PID1: variants seen among roughly 807,000 people sequenced by gnomAD.
The protein encoded by PID1 is PTB-containing, cubilin and LRP1-interacting protein.
PID1 carries 10 observed loss-of-function variants against 19.1 expected under a neutral mutation model. The ratio of observed to expected loss-of-function variants is 0.52; its 90% CI spans 0.32 to 0.89. The LOEUF is 0.89. Ranked by LOEUF, PID1 falls within the 40% of genes least tolerant of loss-of-function variation. The probability of loss-of-function intolerance (pLI) is 0.03; values close to 1 mark genes in which losing one functional copy is unlikely to be tolerated. For synonymous variants in PID1, 130 were observed against 116.0 expected (o/e 1.12, Z -0.78); for missense variants, 248 against 285.3 (o/e 0.87, Z 0.94).
chr2:229,152,486 T>G lies in PID1; in HGVS notation c.177+3332A>C, dbSNP rs532565023. Among the ~76,000 whole-genome samples the G allele has an allele frequency of 6.6e-5, 10 of 152,266 alleles. No individual in the cohort carries two copies. In the South Asian group the frequency reaches 2.1e-3, roughly 32 times the overall value. On this transcript the variant is annotated intron_variant, in intron 2 of 2. Coordinates refer to ENST00000392055, the MANE Select transcript of PID1 (RefSeq NM_001100818.2). ...CAATGACTACTAATTCAATAAATGT[T>G]TGCTAACAAGCTGAAGCCACCTAGG... is the stretch of plus-strand genomic sequence containing the variant.
intron 2 of PID1, among the ~76,000 whole-genome samples, chr2:229,145,778 A>G (rs1284844364): frequency 1.3e-5 from 2 of 152,126 alleles, no homozygotes; most frequent in African/African-American, 4.8e-5. Flanking sequence ...CAAACTACTA[A>G]TGTGAATATT....
At chr2:229,142,490 G>T (rs1233718283) in intron 2 of PID1, among the ~76,000 whole-genome samples, 1 of 152,158 alleles carries the variant, frequency 6.6e-6, no homozygotes, top group East Asian at 1.9e-4. Flanking sequence ...CATATCAGGG[G>T]TTTCAACCAA....
intron 2 of PID1, among the ~76,000 whole-genome samples, chr2:229,081,496 C>A (rs1263738296): frequency 6.6e-6 from 1 of 152,148 alleles, no homozygotes; most frequent in African/African-American, 2.4e-5. Flanking sequence ...ATGCTTCAAG[C>A]TGATTTAGCA....
intron 2 of PID1, among the ~76,000 whole-genome samples, chr2:229,048,564 C>T (rs997929230): frequency 6.6e-6 from 1 of 152,136 alleles, no homozygotes; most frequent in African/African-American, 2.4e-5. Context: ...CTTAAAACTC[C>T]ACTCAGGGGC....
At chr2:229,092,988 G>GT (rs1425687855) in intron 2 of PID1, among the ~76,000 whole-genome samples, 1 of 152,074 alleles carries the variant, frequency 6.6e-6, no homozygotes, top group African/African-American at 2.4e-5. Flanking sequence ...CTCTATCAAG[G>GT]TTAAGAACAA....
At chr2:229,078,140 C>A (rs780521667) in intron 2 of PID1, among the ~76,000 whole-genome samples, 2 of 152,062 alleles carry the variant, frequency 1.3e-5, no homozygotes, top group African/African-American at 2.4e-5. Flanking sequence ...TGTATTCCTA[C>A]GTATTTTGTT....
intron 2 of PID1, among the ~76,000 whole-genome samples, chr2:229,044,212 C>G (rs900169479): frequency 6.6e-6 from 1 of 152,000 alleles, no homozygotes; most frequent in African/African-American, 2.4e-5. Flanking sequence ...GCTGGTGTAC[C>G]TGGGTGTTCC....
At chr2:229,188,581 T>C (rs1691183824) in intron 1 of PID1, among the ~76,000 whole-genome samples, 1 of 151,690 alleles carries the variant, frequency 6.6e-6, no homozygotes, top group South Asian at 2.1e-4. Context: ...CTACTAAAAA[T>C]ACAAAAAATT....
chr2:229,147,855 A>G (rs563258570), intron 2 of PID1, among the ~76,000 whole-genome samples: 29 of 152,306 alleles, frequency 1.9e-4, no homozygotes, highest in African/African-American at 7.0e-4. Flanking sequence ...CTGATTCTCT[A>G]TAGTAAAAGG....
At chr2:229,197,394 T>A (rs2106237112) in intron 1 of PID1, among the ~76,000 whole-genome samples, 1 of 152,168 alleles carries the variant, frequency 6.6e-6, no homozygotes, top group African/African-American at 2.4e-5. Flanking sequence ...TCCAGTGAAG[T>A]ACCACTGGGC....
intron 1 of PID1, among the ~76,000 whole-genome samples, chr2:229,221,085 C>T (rs913159391): frequency 3.3e-5 from 5 of 152,116 alleles, no homozygotes; most frequent in African/African-American, 1.2e-4. Context: ...ATCTGGTATC[C>T]CCATCCAGCT....
chr2:229,078,922 G>A (rs767358757), intron 2 of PID1, among the ~76,000 whole-genome samples: 9 of 152,104 alleles, frequency 5.9e-5, no homozygotes, highest in South Asian at 2.1e-4. Flanking sequence ...AGAGAGTGAG[G>A]AAAATGGAAA....
intron 1 of PID1, among the ~76,000 whole-genome samples, chr2:229,268,869 A>G: frequency 6.6e-6 from 1 of 152,216 alleles, no homozygotes; most frequent in East Asian, 1.9e-4. Context: ...ATTGTGACAA[A>G]GATAACCACA....
At chr2:229,097,012 A>T (rs1694983119) in intron 2 of PID1, among the ~76,000 whole-genome samples, 1 of 152,194 alleles carries the variant, frequency 6.6e-6, no homozygotes, top group Non-Finnish European at 1.5e-5. Context: ...TGTCACCCTG[A>T]GTTTGATTAA....
At chr2:229,255,294 C>G (rs1040658198) in intron 1 of PID1, among the ~76,000 whole-genome samples, 44 of 152,188 alleles carry the variant, frequency 2.9e-4, no homozygotes, top group African/African-American at 9.9e-4. Flanking sequence ...TAAAAATCAT[C>G]AGAATCCTGT....
intron 1 of PID1, among the ~76,000 whole-genome samples, chr2:229,268,430 G>A (rs1029275736): frequency 7.9e-5 from 12 of 152,196 alleles, no homozygotes; most frequent in Middle Eastern, 6.8e-3. Flanking sequence ...CAGCTTCATC[G>A]AATATGAACT....
At chr2:229,166,817 A>G (rs1013906486) in intron 1 of PID1, among the ~76,000 whole-genome samples, 17 of 152,176 alleles carry the variant, frequency 1.1e-4, no homozygotes, top group African/African-American at 4.1e-4. Context: ...AATGATGAGG[A>G]CTTGTCGGAT....
chr2:229,104,777 A>G (rs1039943291), intron 2 of PID1, among the ~76,000 whole-genome samples: 1 of 152,246 alleles, frequency 6.6e-6, no homozygotes, highest in Non-Finnish European at 1.5e-5. Flanking sequence ...AATAGGTGCA[A>G]TATTAGTGCC....
chr2:229,078,894 G>GA (rs564273537), intron 2 of PID1, among the ~76,000 whole-genome samples: 34 of 149,406 alleles, frequency 2.3e-4, no homozygotes, highest in South Asian at 4.2e-4. Context: ...CTTTGCAATG[G>GA]AAAAAAAAAT....
Sources: allele counts gnomAD v4.1 joint callset (sites outside exome capture counted in the v4.1 genomes callset), GRCh38; gene constraint gnomAD v4.1.1; transcripts MANE v1.5; gene names NCBI Gene and HGNC (gene_info 2026-07-23, HGNC 2026-07-21).